GPC6: variants seen among roughly 807,000 people sequenced by gnomAD.
The protein encoded by GPC6 is glypican-6.
In GPC6, 14 loss-of-function variants were observed where a neutral mutation model predicts 55.2. The ratio of observed to expected loss-of-function variants is 0.25; its 90% confidence interval spans 0.17 to 0.40. The LOEUF (loss-of-function observed/expected upper bound fraction) is 0.40. Among genes scored for constraint, GPC6 ranks in the 10% least tolerant of loss-of-function variants. The probability of loss-of-function intolerance (pLI) is 1.00; values close to 1 mark genes in which losing one functional copy is unlikely to be tolerated. For synonymous variants in GPC6, 278 were observed against 259.6 expected, an observed-to-expected ratio of 1.07 and a Z score of -0.68; for missense variants, 641 against 708.5, an observed-to-expected ratio of 0.90 and a Z score of 1.08.
intron 1 of GPC6, among the ~76,000 whole-genome samples, chr13:93,263,450 T>G (rs7326459): frequency 0.07 from 10,717 of 152,188 alleles, 1,199 homozygotes; most frequent in African/African-American, 0.24. Flanking sequence ...CTGCAACCTC[T>G]GCCTCGTGGG....
chr13:93,932,934 C>T (rs1281557480), intron 3 of GPC6, among the ~76,000 whole-genome samples: 1 of 149,108 alleles, frequency 6.7e-6, no homozygotes, highest in Non-Finnish European at 1.5e-5. Flanking sequence ...GGGCTAAAGT[C>T]AAGGTGTTAA....
intron 2 of GPC6, among the ~76,000 whole-genome samples, chr13:93,648,830 T>C (rs1236686218): frequency 3.3e-5 from 5 of 152,170 alleles, no homozygotes; most frequent in African/African-American, 1.2e-4. Context: ...ACATCACCCA[T>C]GTCACGCAAA....
intron 2 of GPC6, among the ~76,000 whole-genome samples, chr13:93,798,463 C>G (rs1351813846): frequency 6.6e-6 from 1 of 152,070 alleles, no homozygotes; most frequent in Non-Finnish European, 1.5e-5. Flanking sequence ...TTGTCCAATT[C>G]AGTTAGATTT....
chr13:93,952,920 C>T (rs1445978289), intron 3 of GPC6, among the ~76,000 whole-genome samples: 1 of 147,952 alleles, frequency 6.8e-6, no homozygotes, highest in Non-Finnish European at 1.5e-5. Context: ...TATATATATA[C>T]ACGTATATAT....
chr13:93,683,129 T>C lies in GPC6; in HGVS notation c.319+137708T>C, dbSNP rs375171945. Among the ~76,000 whole-genome samples the C allele has an allele frequency of 1.9e-3, 175 of 90,108 alleles. 2 individuals are homozygous for C. The highest frequency in any genetic ancestry group is 4.9e-3 in the African/African-American group (167 of 34,326). 59.1% of individuals were successfully genotyped at this position (90,108 alleles called of 152,430 possible). On this transcript the variant is annotated intron_variant, in intron 2 of 8. Coordinates refer to ENST00000377047, the MANE Select transcript of GPC6 (RefSeq NM_005708.5). Reference sequence around the variant, plus strand: ...ATTTATCATTATTAAGTGGTTCCTATGAGTATGTCAGGATTAATATCAGTA... The same window carrying C: ...ATTTATCATTATTAAGTGGTTCCTACGAGTATGTCAGGATTAATATCAGTA...
chr13:93,506,763 G>A (rs1338029523), intron 1 of GPC6, among the ~76,000 whole-genome samples: 2 of 150,756 alleles, frequency 1.3e-5, no homozygotes, highest in Admixed American at 6.6e-5. Context: ...GGAGTAGGCC[G>A]GGCGTGGTGG....
chr13:94,118,531 C>G (rs1362966408), intron 4 of GPC6, among the ~76,000 whole-genome samples: 2 of 150,296 alleles, frequency 1.3e-5, no homozygotes, highest in Admixed American at 1.3e-4. Context: ...TTTTGCCAAT[C>G]CCAAATCATT....
At chr13:94,266,829 G>A (rs1269490112) in intron 4 of GPC6, among the ~76,000 whole-genome samples, 3 of 152,194 alleles carry the variant, frequency 2.0e-5, no homozygotes, top group Non-Finnish European at 4.4e-5. Flanking sequence ...AATGAGTACA[G>A]AAAATGATAA....
chr13:94,181,604 A>G (rs1889000068), intron 4 of GPC6, among the ~76,000 whole-genome samples: 1 of 152,242 alleles, frequency 6.6e-6, no homozygotes, highest in Admixed American at 6.5e-5. Flanking sequence ...TCCTGTAGAT[A>G]CTTACTGGTG....
chr13:93,872,315 G>C (rs1047332305), intron 3 of GPC6, among the ~76,000 whole-genome samples: 1 of 151,968 alleles, frequency 6.6e-6, no homozygotes, highest in African/African-American at 2.4e-5. Flanking sequence ...TGATACAATG[G>C]TTAATCCAAA....
At chr13:94,276,446 C>A (rs1892207998) in intron 4 of GPC6, among the ~76,000 whole-genome samples, 1 of 150,942 alleles carries the variant, frequency 6.6e-6, no homozygotes, top group South Asian at 2.1e-4. Context: ...AGGTAGGGAC[C>A]AGCGTATGAA....
At chr13:93,515,222 A>G (rs1484694569) in intron 1 of GPC6, among the ~76,000 whole-genome samples, 1 of 152,112 alleles carries the variant, frequency 6.6e-6, no homozygotes, top group East Asian at 1.9e-4. Flanking sequence ...CTAGATGCCA[A>G]ATCTGCTGGC....
intron 2 of GPC6, among the ~76,000 whole-genome samples, chr13:93,789,618 T>TATAATACTAC (rs1555331705): frequency 4.2e-5 from 2 of 47,376 alleles, no homozygotes; most frequent in East Asian, 2.0e-3. Flanking sequence ...TATATATATA[T>TATAATACTAC]ATATATATAT....
At chr13:93,637,982 A>G (rs943962488) in intron 2 of GPC6, among the ~76,000 whole-genome samples, 1 of 152,140 alleles carries the variant, frequency 6.6e-6, no homozygotes, top group Non-Finnish European at 1.5e-5. Flanking sequence ...CTCACCTTAA[A>G]AAATAAAAAA....
intron 1 of GPC6, among the ~76,000 whole-genome samples, chr13:93,263,064 C>T (rs1283476141): frequency 1.3e-5 from 2 of 152,082 alleles, no homozygotes; most frequent in Non-Finnish European, 2.9e-5. Context: ...TTTCCCAGAA[C>T]TGTGATGCTA....
chr13:93,856,870 G>T lies in GPC6; in HGVS notation c.711+26325G>T, dbSNP rs142525522. 4.5e-3 allele frequency among the ~76,000 whole-genome samples: 688 copies of T among 151,708 alleles called. 4 individuals carry two copies. The highest frequency in any genetic ancestry group is 0.019 in the South Asian group (90 of 4,824). On this transcript the variant is annotated intron_variant, in intron 3 of 8. Coordinates refer to ENST00000377047, the MANE Select transcript of GPC6 (RefSeq NM_005708.5). ...TGGTTCATTGTGCCTCCATTTAAGA[G>T]AACGTGGTTAAATAGGCAAAGCCAA... is the stretch of plus-strand genomic sequence containing the variant.
intron 6 of GPC6, among the ~76,000 whole-genome samples, chr13:94,334,392 C>CTGAT (rs773861435): frequency 5.3e-5 from 8 of 152,232 alleles, no homozygotes; most frequent in Non-Finnish European, 1.0e-4. Context: ...CCAGTGCCCC[C>CTGAT]TGATTCTTCT....
intron 1 of GPC6, among the ~76,000 whole-genome samples, chr13:93,496,544 A>C (rs1880295335): frequency 6.6e-6 from 1 of 152,132 alleles, no homozygotes; most frequent in Non-Finnish European, 1.5e-5. Flanking sequence ...TCCCACTATT[A>C]TTATTTCTTA....
chr13:94,194,040 G>A lies in GPC6; in HGVS notation c.878-92309G>A, dbSNP rs1199527842. On this transcript the variant is annotated intron_variant, in intron 4 of 8. Transcript: ENST00000377047. ...CAAGTATGATTACTTTGATGTATGGGAAATTTAGGGTAAACAGGCATATAT... is the reference window on the plus strand; with the variant it reads ...CAAGTATGATTACTTTGATGTATGGAAAATTTAGGGTAAACAGGCATATAT... Among the ~76,000 whole-genome samples the A allele has an allele frequency of 2.0e-5, 3 of 152,188 alleles. No individual in the cohort carries two copies. In the East Asian group the frequency reaches 5.8e-4, roughly 29 times the overall value.
Sources: allele counts gnomAD v4.1 joint callset (sites outside exome capture counted in the v4.1 genomes callset), GRCh38; gene constraint gnomAD v4.1.1; transcripts MANE v1.5; gene names NCBI Gene and HGNC (gene_info 2026-07-23, HGNC 2026-07-21).